Variants in KHDRBS2 observed in about 807,000 individuals in gnomAD.
KHDRBS2 encodes the protein KH RNA binding domain containing, signal transduction associated 2.
KHDRBS2 carries 26 observed loss-of-function variants against 44.3 expected under a neutral mutation model. That is an observed-to-expected ratio of 0.59 (90% confidence interval 0.43 to 0.81). The LOEUF is 0.81. KHDRBS2 is among the 40% of genes least tolerant of loss of function. The pLI is 0.00. For missense variants in KHDRBS2, 476 were observed against 433.1 expected, an observed-to-expected ratio of 1.10 and a Z score of -0.88; for synonymous variants, 194 against 151.1, an observed-to-expected ratio of 1.28 and a Z score of -2.08.
chr6:62,140,552 CAAAT>C (rs1458092934), intron 2 of KHDRBS2, among the ~76,000 whole-genome samples: 1 of 152,082 alleles, frequency 6.6e-6, no homozygotes, highest in African/African-American at 2.4e-5. Flanking sequence ...TAATGAGTCT[CAAAT>C]AATTCATAAG....
chr6:61,851,455 G>A (rs489159), intron 6 of KHDRBS2, among the ~76,000 whole-genome samples: 33,898 of 151,850 alleles, frequency 0.22, 4,631 homozygotes, highest in South Asian at 0.31. Context: ...ATCTGGAGAC[G>A]CAGCTTTTAA....
chr6:62,054,346 T>A (rs1193177368), intron 2 of KHDRBS2, among the ~76,000 whole-genome samples: 2 of 152,032 alleles, frequency 1.3e-5, no homozygotes, highest in East Asian at 3.9e-4. Context: ...AATAGAGCAA[T>A]GGAATCCAGA....
chr6:61,964,558 T>C (rs773335892), intron 4 of KHDRBS2, among the ~76,000 whole-genome samples: 3 of 152,132 alleles, frequency 2.0e-5, no homozygotes, highest in Non-Finnish European at 4.4e-5. Context: ...ATTGACTATT[T>C]CTAAAAAATA....
At chr6:61,696,972 T>C (rs555256141) in intron 8 of KHDRBS2, among the ~76,000 whole-genome samples, 30 of 152,218 alleles carry the variant, frequency 2.0e-4, no homozygotes, top group African/African-American at 7.0e-4. Context: ...CTGTTGAAAA[T>C]GATTTATGAT....
chr6:62,021,509 G>GT (rs1486078901), intron 3 of KHDRBS2, among the ~76,000 whole-genome samples: 1 of 151,792 alleles, frequency 6.6e-6, no homozygotes, highest in Non-Finnish European at 1.5e-5. Context: ...TTTTACACTT[G>GT]TAAGTTCTTC....
chr6:62,125,163 T>C (rs1808656168), intron 2 of KHDRBS2, among the ~76,000 whole-genome samples: 1 of 152,174 alleles, frequency 6.6e-6, no homozygotes, highest in African/African-American at 2.4e-5. Context: ...CCCAAAACCC[T>C]AGCAGCAGCA....
At chr6:61,571,008 GA>G in the KHDRBS2 span, among the ~76,000 whole-genome samples, 10 of 147,496 alleles carry the variant, frequency 6.8e-5, no homozygotes, top group South Asian at 2.1e-4. Context: ...ATAACACAAT[GA>G]AAAAAAAACA....
intron 6 of KHDRBS2, among the ~76,000 whole-genome samples, chr6:61,745,675 G>T (rs1482832516): frequency 6.6e-6 from 1 of 151,972 alleles, no homozygotes. Flanking sequence ...AGTACCAAAA[G>T]GTTAAAGATG....
intron 7 of KHDRBS2, among the ~76,000 whole-genome samples, chr6:61,720,855 T>A (rs1358455047): frequency 1.3e-5 from 2 of 151,246 alleles, no homozygotes; most frequent in African/African-American, 4.9e-5. Context: ...TCCTTGCCCA[T>A]GCCTATGTCC....
At chr6:62,198,297 A>G (rs1047497366) in intron 1 of KHDRBS2, among the ~76,000 whole-genome samples, 1 of 152,114 alleles carries the variant, frequency 6.6e-6, no homozygotes, top group Non-Finnish European at 1.5e-5. Context: ...TGAATCCAAG[A>G]GTGGTTTTTT....
chr6:62,270,324 C>T (rs1281194446), intron 1 of KHDRBS2, among the ~76,000 whole-genome samples: 1 of 135,614 alleles, frequency 7.4e-6, no homozygotes, highest in Non-Finnish European at 1.6e-5. Context: ...CTCTCTCCCC[C>T]ACCCACCCCC....
chr6:61,745,207 T>C (rs1776688012), intron 6 of KHDRBS2, among the ~76,000 whole-genome samples: 1 of 152,206 alleles, frequency 6.6e-6, no homozygotes, highest in African/African-American at 2.4e-5. Context: ...GCTTCTAGGC[T>C]ATAATTAAAA....
rs148322985 is a variant in KHDRBS2, at chr6:62,018,704, A to G, written c.336+29174T>C. 4.7e-3 allele frequency among the ~76,000 whole-genome samples: 722 copies of G among 152,264 alleles called. 7 individuals are homozygous for G. Among genetic ancestry groups the G allele is most frequent in the African/African-American group, 0.016 (685 of 41,548 alleles). On this transcript the variant is annotated intron_variant, in intron 3 of 8. Transcript: ENST00000281156. ...CAGGATACCAACAGAAGACTCATGG[A>G]CATAAGACTGAGTAGACAAGAGAAA...
intron 4 of KHDRBS2, among the ~76,000 whole-genome samples, chr6:61,938,017 C>G (rs1052865160): frequency 6.6e-6 from 1 of 152,024 alleles, no homozygotes; most frequent in Non-Finnish European, 1.5e-5. Flanking sequence ...ACCATCTTAA[C>G]CAGAAGCTCC....
intron 6 of KHDRBS2, among the ~76,000 whole-genome samples, chr6:61,866,979 C>T (rs1297449789): frequency 6.6e-6 from 1 of 152,108 alleles, no homozygotes; most frequent in Non-Finnish European, 1.5e-5. Context: ...CAAACTTTCC[C>T]ACATTTTCCT....
chr6:62,085,972 A>C (rs1419415872), intron 2 of KHDRBS2, among the ~76,000 whole-genome samples: 3 of 152,154 alleles, frequency 2.0e-5, no homozygotes, highest in Non-Finnish European at 4.4e-5. Context: ...GAGTGGCTGA[A>C]GGGCTTCTGA....
At chr6:61,824,990 G>T (rs1790608551) in intron 6 of KHDRBS2, among the ~76,000 whole-genome samples, 1 of 152,052 alleles carries the variant, frequency 6.6e-6, no homozygotes, top group Admixed American at 6.6e-5. Flanking sequence ...CTATGCTATA[G>T]GTTATTAAAA....
chr6:61,910,180 T>G (rs1441934741), intron 4 of KHDRBS2, among the ~76,000 whole-genome samples: 1 of 152,214 alleles, frequency 6.6e-6, no homozygotes, highest in Non-Finnish European at 1.5e-5. Flanking sequence ...AGGAAGCTAT[T>G]TCAGAAAACA....
the KHDRBS2 span, among the ~76,000 whole-genome samples, chr6:61,632,589 G>T: frequency 6.6e-6 from 1 of 152,102 alleles, no homozygotes; most frequent in Non-Finnish European, 1.5e-5. Flanking sequence ...AATTGATTGT[G>T]AATGGCATAT....
Sources: gnomAD v4.1 joint callset for allele counts (sites outside exome capture counted in the v4.1 genomes callset) on GRCh38, gnomAD v4.1.1 for gene constraint, MANE v1.5 for transcripts, NCBI Gene and HGNC (gene_info 2026-07-23, HGNC 2026-07-21) for gene names.